The following ZNF224 variants were observed in gnomAD, a reference collection of about 807,000 sequenced individuals.
ZNF224 encodes zinc finger protein 224, also known as bone marrow zinc finger 2.
A neutral mutation model predicts 10.5 loss-of-function variants in ZNF224; 8 were observed. The ratio of observed to expected loss-of-function variants is 0.76; its 90% CI spans 0.45 to 1.37. The LOEUF (loss-of-function observed/expected upper bound fraction) is 1.37, where lower values mean the gene tolerates loss of function less well. Ranked by LOEUF, ZNF224 falls within the 40% of genes most tolerant of loss-of-function variation. The pLI is 0.00. For synonymous variants in ZNF224, 282 were observed against 287.8 expected, an observed-to-expected ratio of 0.98 and a Z score of 0.20; for missense variants, 754 against 854.0, an observed-to-expected ratio of 0.88 and a Z score of 1.46.
chr19:44,108,240 A>G lies in ZNF224; in HGVS notation c.2080A>G (p.Ser694Gly), dbSNP rs1283684308. The G allele has an allele frequency of 6.2e-7, 1 of 1,613,448 alleles. No homozygotes were observed. The highest frequency in any genetic ancestry group is 8.5e-7 in the Non-Finnish European group (1 of 1,179,706). ...TGATATGTGCTTTAGTCAGGCCTCA[A>G]GCCTTCGACTTCATCAGAATGTTCA... ...ECDMCFSQAS[S>G]LRLHQNVHVG... The change falls in exon 6 of 6, where the codon AGC becomes GGC. Residue 694 changes from serine (S) to glycine (G), a missense_variant. Transcript: ENST00000693561.
chr19:44,102,939 C>T (rs1967578523), intron 5 of ZNF224, among the ~76,000 whole-genome samples: 1 of 152,148 alleles, frequency 6.6e-6, no homozygotes, highest in Non-Finnish European at 1.5e-5. Flanking sequence ...GTCACTGACC[C>T]CAGGTTTCTT....
intron 2 of ZNF224, chr19:44,097,576 A>G (rs1056021893): frequency 8.1e-6 from 3 of 368,646 alleles, no homozygotes; most frequent in Non-Finnish European, 9.7e-6. Flanking sequence ...AGCATGAGTC[A>G]GTACTTCATT....
Position 44,094,363 on chromosome 19 carries a change from A to T in ZNF224, c.-325A>T, listed in dbSNP as rs1223065352. The T allele has an allele frequency of 6.6e-6, 1 of 152,086 alleles. No individual in the cohort carries two copies. Among genetic ancestry groups the T allele is most frequent in the African/African-American group, 2.4e-5 (1 of 41,384 alleles). 9.4% of individuals were successfully genotyped at this position (152,086 alleles called of 1,614,324 possible). ...GAAGTGGAGTCCAAACATTCGGTGGAGTCGCGGACACTTCCGCTCGGGGAC... is the reference window on the plus strand; with the variant it reads ...GAAGTGGAGTCCAAACATTCGGTGGTGTCGCGGACACTTCCGCTCGGGGAC... On this transcript the variant is annotated 5_prime_UTR_variant, in exon 1 of 6. Transcript: ENST00000693561.
intron 5 of ZNF224, among the ~76,000 whole-genome samples, chr19:44,104,665 A>AT (rs72370521): frequency 3.5e-4 from 52 of 146,854 alleles, no homozygotes; most frequent in East Asian, 1.6e-3. Context: ...TGAGCCCTGT[A>AT]TTTTTTTTTT....
In ZNF224 at chr19:44,106,748, AG is replaced by A. The variant is rs1967673667; in HGVS notation, c.589del (p.Val197SerfsTer140). On this transcript the variant is annotated frameshift_variant, in exon 6 of 6. Transcript: ENST00000693561. LOFTEE classifies it low-confidence loss of function (END_TRUNC). ...YISALRIHQR[V>X]HMGEKCYKCD... ...TCTCAGCCCTTCGTATTCATCAGAG[AG>A]TCCACATGGGAGAGAAATGCTATAA... 1 of 1,612,146 alleles carries A rather than the reference AG, an allele frequency of 6.2e-7. No homozygotes were observed. The highest frequency in any genetic ancestry group is 1.7e-5 in the Admixed American group (1 of 59,888).
In ZNF224 at chr19:44,106,745, G is replaced by A; in HGVS notation, c.585G>A (p.Gln195=). 1 of 1,611,996 alleles carries A rather than the reference G, an allele frequency of 6.2e-7. No homozygotes were observed. The highest frequency in any genetic ancestry group is 1.7e-5 in the Admixed American group (1 of 59,916). ...ACATCTCAGCCCTTCGTATTCATCA[G>A]AGAGTCCACATGGGAGAGAAATGCT... ...FCYISALRIH[Q]RVHMGEKCYK... Residue 195 remains glutamine, a synonymous_variant, in exon 6 of 6, where the codon CAG becomes CAA. Transcript: ENST00000693561.
At chr19:44,097,638 TATTC>T (rs1004798497) in intron 2 of ZNF224, 164 bp from the exon 3 acceptor site, 3 of 509,248 alleles carry the variant, frequency 5.9e-6, no homozygotes, top group African/African-American at 2.0e-5. Flanking sequence ...ATGATTTGTC[TATTC>T]ATTTACCCAC....
rs201554115 is a variant in ZNF224 at position 44,107,146 on chromosome 19, C to G, written c.986C>G (p.Ser329Ter). 3.7e-5 allele frequency: 59 copies of G among 1,606,676 alleles called. No individual in the cohort carries two copies. The highest frequency in any genetic ancestry group is 4.7e-5 in the Non-Finnish European group (55 of 1,176,090). The change falls in exon 6 of 6, where the codon TCA becomes TGA. Residue 329 changes from serine to a stop codon, truncating the protein, a stop_gained. Transcript: ENST00000693561. LOFTEE classifies it low-confidence loss of function (END_TRUNC). ...TGTGATAAGAGCTTTCGTCAGAGATCAGCACTTAATAGTCATCGCATGATC... is the reference window on the plus strand; with the variant it reads ...TGTGATAAGAGCTTTCGTCAGAGATGAGCACTTAATAGTCATCGCATGATC... ...DTCDKSFRQR[S>*]ALNSHRMIHT...
intron 2 of ZNF224, among the ~76,000 whole-genome samples, chr19:44,097,435 A>C (rs1967460824): frequency 6.6e-6 from 1 of 152,192 alleles, no homozygotes; most frequent in African/African-American, 2.4e-5. Context: ...ATCTGAAGCA[A>C]TCACTAATCA....
chr19:44,102,378 A>ATT (rs1967566942), intron 5 of ZNF224, among the ~76,000 whole-genome samples: 1 of 152,154 alleles, frequency 6.6e-6, no homozygotes, highest in Non-Finnish European at 1.5e-5. Context: ...TGTCTAAGGA[A>ATT]TTTTAACTCT....
intron 5 of ZNF224, among the ~76,000 whole-genome samples, chr19:44,103,929 A>G (rs10420143): frequency 0.78 from 119,143 of 152,134 alleles, 47,548 homozygotes; most frequent in Non-Finnish European, 0.87. Flanking sequence ...GGGCTCAAGC[A>G]ATCTGCCCGC....
chr19:44,097,870 G>A lies in ZNF224; in HGVS notation c.-4G>A, dbSNP rs958853040. 1 of 1,613,868 alleles carries A rather than the reference G, an allele frequency of 6.2e-7. No individual in the cohort carries two copies. The highest frequency in any genetic ancestry group is 1.3e-5 in the African/African-American group (1 of 74,910). On this transcript the variant is annotated 5_prime_UTR_variant, in exon 3 of 6. Coordinates refer to ENST00000693561, the MANE Select transcript of ZNF224 (RefSeq NM_001321645.3). The stretch of plus-strand genomic sequence containing the variant: ...TCTGCAAGTTTCCAGAAGTAAGAGG[G>A]AAAATGACCACGTTCAAGGTGGGTA...
chr19:44,106,560 A>G lies in ZNF224; in HGVS notation c.400A>G (p.Thr134Ala). 1 of 1,614,102 alleles carries G rather than the reference A, an allele frequency of 6.2e-7. No homozygotes were observed. The highest frequency in any genetic ancestry group is 8.5e-7 in the Non-Finnish European group (1 of 1,179,960). ...CAAAGAAGGTGATTTCCCCTGCCAG[A>G]CTGAGGCAGGACTATCTGTAATTCA... ...FSKEGDFPCQ[T>A]EAGLSVIHTR... Residue 134 changes from threonine (T) to alanine (A), a missense_variant, in exon 6 of 6, where the codon ACT becomes GCT. By Grantham distance (58) the Thr-to-Ala change is moderately conservative. Transcript: ENST00000693561.
intron 2 of ZNF224, among the ~76,000 whole-genome samples, chr19:44,096,871 G>A (rs1245098726): frequency 1.3e-5 from 2 of 152,108 alleles, no homozygotes; most frequent in East Asian, 1.9e-4. Context: ...ATTCATGTGC[G>A]GGTTCACATT....
At chr19:44,101,296 C>A in intron 5 of ZNF224, 71 bp downstream of exon 5, 1 of 1,508,978 alleles carries the variant, frequency 6.6e-7, no homozygotes. Flanking sequence ...TGCTCAAATC[C>A]ATTGCCCTGG....
rs1235335249 is a variant in ZNF224 at position 44,109,813 on chromosome 19, CTT to C, written c.*1531_*1532del. 3 of 152,108 alleles carry C rather than the reference CTT, an allele frequency of 2.0e-5. No homozygotes were observed. The highest frequency in any genetic ancestry group is 1.5e-5 in the Non-Finnish European group (1 of 68,012). 9.4% of individuals were successfully genotyped at this position (152,108 alleles called of 1,614,324 possible). The stretch of plus-strand genomic sequence containing the variant: ...CTTCATAACCTAATCAAATAAATAT[CTT>C]TGTGTGTTTTATGTTCTTTTGAGTG... On this transcript the variant is annotated 3_prime_UTR_variant, in exon 6 of 6. Transcript: ENST00000693561.
intron 2 of ZNF224, 133 bp downstream of exon 2, chr19:44,096,564 A>C (rs1466473521): frequency 1.3e-5 from 2 of 152,234 alleles, no homozygotes; most frequent in Non-Finnish European, 2.9e-5. Flanking sequence ...AGTTTATTGT[A>C]TTATCTATTA....
chr19:44,105,496 T>A (rs1967637087), intron 5 of ZNF224: 1 of 150,866 alleles, frequency 6.6e-6, no homozygotes, highest in South Asian at 2.1e-4. Context: ...TTTATTATTG[T>A]CTTTTATTTT....
chr19:44,100,700 C>A, intron 3 of ZNF224, 101 bp from the exon 4 acceptor site: 1 of 1,443,756 alleles, frequency 6.9e-7, no homozygotes, highest in Non-Finnish European at 9.3e-7. Flanking sequence ...CTCTCAAGAT[C>A]CAAAACAACT....
Sources: allele counts gnomAD v4.1 joint callset (sites outside exome capture counted in the v4.1 genomes callset), GRCh38; gene constraint gnomAD v4.1.1; transcripts MANE v1.5; gene names NCBI Gene and HGNC (gene_info 2026-07-23, HGNC 2026-07-21).